CHIC1: variants seen among roughly 807,000 people sequenced by gnomAD.
CHIC1 encodes the protein cysteine-rich hydrophobic domain-containing protein 1.
CHIC1 carries 7 observed loss-of-function variants against 18.5 expected under a neutral mutation model. That is an observed-to-expected ratio of 0.38 (90% confidence interval 0.22 to 0.71). CHIC1 has a LOEUF of 0.71. CHIC1 is among the 30% of genes least tolerant of loss of function. CHIC1 has a pLI of 0.49. For missense variants in CHIC1, 159 were observed against 176.9 expected (o/e 0.90, Z 0.57); for synonymous variants, 77 against 73.5 (o/e 1.05, Z -0.25).
chrX:73,586,934 G>A (rs766490978), intron 3 of CHIC1, among the ~76,000 whole-genome samples: 12 of 111,633 alleles, frequency 1.1e-4, no homozygotes, highest in Middle Eastern at 4.6e-3. Context: ...TGTTGCAACC[G>A]CTCAACTGTG....
At chrX:73,657,059 T>C (rs866102335) in intron 3 of CHIC1, among the ~76,000 whole-genome samples, 1 of 80,287 alleles carries the variant, frequency 1.2e-5, no homozygotes, top group Non-Finnish European at 2.6e-5. Flanking sequence ...ATTCTTTTTT[T>C]AATTTTTTTT....
chrX:73,584,557 T>C lies in CHIC1; in HGVS notation c.492T>C (p.Ile164=), dbSNP rs763782374. The C allele has an allele frequency of 8.7e-6, 10 of 1,154,657 alleles. No homozygotes were observed. In the Admixed American group the frequency reaches 1.3e-4, roughly 15 times the overall value. Residue 164 remains isoleucine (I), a synonymous_variant, in exon 3 of 6, where the codon ATT becomes ATC. Transcript: ENST00000373502. ...TGGGTTGCAGCCTATGGCCTGTTAT[T>C]TGTCTCAACAAAAGAGTGAGTAACT... ...CTLGCSLWPV[I]CLNKRTRRSI...
chrX:73,678,041 G>A (rs1357529684), intron 3 of CHIC1, among the ~76,000 whole-genome samples: 3 of 96,423 alleles, frequency 3.1e-5, no homozygotes, highest in Non-Finnish European at 6.1e-5. Flanking sequence ...TGCTATAATT[G>A]CCACTTCATT....
At chrX:73,657,306 G>A (rs914499849) in intron 3 of CHIC1, among the ~76,000 whole-genome samples, 24 of 110,682 alleles carry the variant, frequency 2.2e-4, no homozygotes, top group African/African-American at 5.9e-4. Context: ...TGATCCACCC[G>A]CCTCAGCCTC....
intron 1 of CHIC1, among the ~76,000 whole-genome samples, chrX:73,564,562 G>A (rs1460705856): frequency 9.0e-6 from 1 of 111,020 alleles, no homozygotes; most frequent in African/African-American, 3.3e-5. Flanking sequence ...ATTTTTATTT[G>A]CTTGGACCAT....
At chrX:73,648,157 C>T (rs909914310) in intron 3 of CHIC1, among the ~76,000 whole-genome samples, 2 of 111,512 alleles carry the variant, frequency 1.8e-5, no homozygotes, top group African/African-American at 6.5e-5. Flanking sequence ...AAAGCAACAA[C>T]AACAGTATCA....
At chrX:73,601,645 A>G (rs1299354806) in intron 3 of CHIC1, among the ~76,000 whole-genome samples, 1 of 103,110 alleles carries the variant, frequency 9.7e-6, no homozygotes, top group African/African-American at 3.8e-5. Flanking sequence ...ATCACAATTA[A>G]AAGAACTAGA....
intron 3 of CHIC1, among the ~76,000 whole-genome samples, chrX:73,625,274 C>G (rs760366621): frequency 1.4e-4 from 16 of 111,356 alleles, no homozygotes; most frequent in Non-Finnish European, 3.8e-5. Flanking sequence ...TCAAACTTGT[C>G]CCCTGATGGG....
At chrX:73,609,155 TA>T (rs767979296) in intron 3 of CHIC1, among the ~76,000 whole-genome samples, 21,823 of 89,126 alleles carry the variant, frequency 0.24, 3,610 homozygotes, top group African/African-American at 0.52. Flanking sequence ...ACACCATCTC[TA>T]AAAAAAAAAA....
At chrX:73,604,060 A>T in intron 3 of CHIC1, among the ~76,000 whole-genome samples, 1 of 108,156 alleles carries the variant, frequency 9.2e-6, no homozygotes, top group East Asian at 2.8e-4. Context: ...TGTTGTTTGG[A>T]ATAATTTCAG....
At chrX:73,605,276 C>G (rs1355550442) in intron 3 of CHIC1, among the ~76,000 whole-genome samples, 1 of 107,970 alleles carries the variant, frequency 9.3e-6, no homozygotes, top group Admixed American at 9.8e-5. Context: ...CTTTTTTGAT[C>G]TTTGTCAGTT....
At chrX:73,652,228 A>C (rs1343952613) in intron 3 of CHIC1, among the ~76,000 whole-genome samples, 1 of 112,185 alleles carries the variant, frequency 8.9e-6, no homozygotes, top group Non-Finnish European at 1.9e-5. Context: ...CTTATACAAA[A>C]ATTAACTCAA....
At chrX:73,671,489 C>A (rs2058030101) in intron 3 of CHIC1, among the ~76,000 whole-genome samples, 1 of 111,432 alleles carries the variant, frequency 9.0e-6, no homozygotes, top group African/African-American at 3.3e-5. Context: ...GTTTTTCCTG[C>A]CTAGGTTATT....
intron 3 of CHIC1, among the ~76,000 whole-genome samples, chrX:73,639,431 G>C (rs1007096223): frequency 2.7e-5 from 3 of 111,657 alleles, no homozygotes; most frequent in African/African-American, 9.8e-5. Flanking sequence ...TTTGTTGAAT[G>C]CATAGTTTGC....
In CHIC1 at chrX:73,679,327, C is replaced by G. The variant is rs780032159; in HGVS notation, c.509C>G (p.Thr170Ser). 5 of 1,135,277 alleles carry G rather than the reference C, an allele frequency of 4.4e-6. No individual in the cohort carries two copies. The East Asian group carries it at 1.5e-4, about 34-fold the overall frequency. 93.6% of individuals were successfully genotyped at this position (1,135,277 alleles called of 1,213,427 possible). Residue 170 changes from threonine to serine, a missense_variant and splice_region_variant, in exon 4 of 6, where the codon ACC becomes AGC. By Grantham distance (58) the Thr-to-Ser change is moderately conservative. Transcript: ENST00000373502. ...LWPVICLNKR[T>S]RRSIQKLIEW... ...CAAAGTCTTGATCATTTTTCTTAGACCAGAAGATCAATTCAGAAGTTAATA... is the reference window on the plus strand; with the variant it reads ...CAAAGTCTTGATCATTTTTCTTAGAGCAGAAGATCAATTCAGAAGTTAATA...
At chrX:73,623,389 T>G (rs1198464600) in intron 3 of CHIC1, among the ~76,000 whole-genome samples, 2 of 111,213 alleles carry the variant, frequency 1.8e-5, no homozygotes, top group Non-Finnish European at 3.8e-5. Context: ...CATATATATT[T>G]AGGATAGTTA....
At chrX:73,581,565 T>C (rs1408397653) in intron 2 of CHIC1, among the ~76,000 whole-genome samples, 1 of 111,186 alleles carries the variant, frequency 9.0e-6, no homozygotes, top group Non-Finnish European at 1.9e-5. Flanking sequence ...TTTATGACTT[T>C]TACTGTTGCT....
intron 3 of CHIC1, among the ~76,000 whole-genome samples, chrX:73,655,817 G>A (rs752237845): frequency 9.2e-6 from 1 of 108,786 alleles, no homozygotes; most frequent in African/African-American, 3.3e-5. Context: ...TATTCCTTTG[G>A]TATATTCCCA....
intron 3 of CHIC1, among the ~76,000 whole-genome samples, chrX:73,674,261 G>A (rs1031210334): frequency 8.9e-6 from 1 of 111,744 alleles, no homozygotes; most frequent in Admixed American, 9.5e-5. Flanking sequence ...ATGACTTAGG[G>A]CAGATTCCCT....
Sources: gnomAD v4.1 joint callset for allele counts (sites outside exome capture counted in the v4.1 genomes callset) on GRCh38, gnomAD v4.1.1 for gene constraint, MANE v1.5 for transcripts, NCBI Gene and HGNC (gene_info 2026-07-23, HGNC 2026-07-21) for gene names.